The following AK9 variants were observed in gnomAD, a reference collection of about 807,000 sequenced individuals.
AK9 encodes the protein adenylate kinase domain containing 1.
In AK9, 191 loss-of-function variants were observed where a neutral mutation model predicts 239.6. The observed-to-expected ratio is 0.80, with a 90% CI of 0.71 to 0.90. The LOEUF (loss-of-function observed/expected upper bound fraction) is 0.90, where lower values mean the gene tolerates loss of function less well. Among genes scored for constraint, AK9 ranks in the 40% least tolerant of loss-of-function variants. AK9 has a pLI of 0.00. For synonymous variants in AK9, 689 were observed against 721.0 expected (o/e 0.96, Z 0.71); for missense variants, 1,995 against 2,214.7 (o/e 0.90, Z 1.99).
At chr6:109,566,614 A>T (rs1457638890) in intron 21 of AK9, among the ~76,000 whole-genome samples, 1 of 152,236 alleles carries the variant, frequency 6.6e-6, no homozygotes, top group African/African-American at 2.4e-5. Flanking sequence ...ATGCAATAGT[A>T]GAGTTAACAT....
At chr6:109,599,460 C>T (rs926721284) in intron 17 of AK9, among the ~76,000 whole-genome samples, 1 of 152,188 alleles carries the variant, frequency 6.6e-6, no homozygotes, top group African/African-American at 2.4e-5. Context: ...CAGCACCATG[C>T]TGTTTTGGTT....
intron 27 of AK9, among the ~76,000 whole-genome samples, chr6:109,536,315 T>A (rs1244054878): frequency 6.6e-6 from 1 of 152,120 alleles, no homozygotes; most frequent in East Asian, 1.9e-4. Context: ...CTTGAAGAGG[T>A]CCTTCACATC....
At chr6:109,518,164 G>C (rs1025054465) in intron 29 of AK9, among the ~76,000 whole-genome samples, 1 of 152,032 alleles carries the variant, frequency 6.6e-6, no homozygotes, top group Non-Finnish European at 1.5e-5. Context: ...GATGGGATTC[G>C]GGTGTGTGAG....
intron 12 of AK9, among the ~76,000 whole-genome samples, chr6:109,631,421 G>C (rs1028731629): frequency 6.6e-6 from 1 of 152,170 alleles, no homozygotes; most frequent in East Asian, 1.9e-4. Flanking sequence ...TCAGTAAACA[G>C]ATGAAAGAGG....
chr6:109,678,687 C>G (rs1425655562), intron 1 of AK9, among the ~76,000 whole-genome samples: 1 of 104,528 alleles, frequency 9.6e-6, no homozygotes, highest in Admixed American at 9.5e-5. Context: ...ATAGGAACAG[C>G]TCTGGTCTGC....
intron 8 of AK9, among the ~76,000 whole-genome samples, chr6:109,653,128 T>C (rs1406126925): frequency 1.3e-5 from 2 of 152,108 alleles, no homozygotes; most frequent in African/African-American, 4.8e-5. Flanking sequence ...GGTTTCACCA[T>C]GGTGGCCAGG....
intron 9 of AK9, among the ~76,000 whole-genome samples, chr6:109,643,056 G>A (rs183537256): frequency 9.8e-4 from 150 of 152,296 alleles, no homozygotes; most frequent in Middle Eastern, 6.8e-3. Flanking sequence ...GCAGGTTAGC[G>A]AATTAGAGTG....
In AK9 at chr6:109,652,953, G is replaced by A. The variant is rs537739214; in HGVS notation, c.759+3803C>T. Among the ~76,000 whole-genome samples, 24 of 151,564 alleles carry A rather than the reference G, an allele frequency of 1.6e-4. 2 individuals are homozygous for A. The South Asian group carries it at 4.1e-3, about 26-fold the overall frequency. On this transcript the variant is annotated intron_variant, in intron 8 of 40. Coordinates refer to ENST00000424296, the MANE Select transcript of AK9 (RefSeq NM_001145128.3). ...GGTGTTTTTTTTTTGTTTTTGAGAC[G>A]GAGTTTCACTGTCACCCAGGCTGGA...
intron 2 of AK9, 94 bp downstream of exon 2, chr6:109,675,535 G>A: frequency 1.3e-6 from 1 of 780,392 alleles, no homozygotes; most frequent in Non-Finnish European, 1.9e-6. Context: ...CAAAAAATGA[G>A]CACAATATGT....
At chr6:109,663,077 GT>G (rs1800650378) in intron 5 of AK9, among the ~76,000 whole-genome samples, 1 of 151,812 alleles carries the variant, frequency 6.6e-6, no homozygotes, top group Non-Finnish European at 1.5e-5. Context: ...AGTAGAACAT[GT>G]GTGTATAATG....
At chr6:109,690,829 C>T (rs931177584) in intron 1 of AK9, among the ~76,000 whole-genome samples, 6 of 152,246 alleles carry the variant, frequency 3.9e-5, no homozygotes, top group Admixed American at 6.5e-5. Context: ...CACGCACAAA[C>T]GTGTGGCAAA....
At chr6:109,653,168 C>A (rs1799211019) in intron 8 of AK9, among the ~76,000 whole-genome samples, 2 of 152,270 alleles carry the variant, frequency 1.3e-5, no homozygotes, top group South Asian at 4.1e-4. Flanking sequence ...TTCAGGTGAT[C>A]CACCCGTCTC....
chr6:109,659,534 T>C (rs1422734345), intron 6 of AK9, 121 bp from the exon 7 acceptor site: 2 of 1,254,238 alleles, frequency 1.6e-6, no homozygotes, highest in African/African-American at 1.6e-5. Context: ...CCTGAGCAAA[T>C]GCAATATTGT....
chr6:109,649,100 TAA>T (rs1272476831), intron 8 of AK9, among the ~76,000 whole-genome samples: 1 of 152,126 alleles, frequency 6.6e-6, no homozygotes, highest in Non-Finnish European at 1.5e-5. Context: ...CTCAAAATAA[TAA>T]GAGTTATCTA....
chr6:109,564,356 T>C, intron 22 of AK9, 76 bp from the exon 23 acceptor site: 1 of 1,169,366 alleles, frequency 8.6e-7, no homozygotes, highest in East Asian at 2.6e-5. Context: ...CAAAATAGCT[T>C]ATACTTTGCA....
intron 24 of AK9, among the ~76,000 whole-genome samples, chr6:109,558,274 T>C (rs138291703): frequency 3.3e-5 from 5 of 152,318 alleles, no homozygotes; most frequent in African/African-American, 1.2e-4. Context: ...TCTTTATGGA[T>C]TCTGCTTTTG....
chr6:109,657,549 CT>C (rs374142932), intron 7 of AK9, among the ~76,000 whole-genome samples: 154 of 145,092 alleles, frequency 1.1e-3, no homozygotes, highest in African/African-American at 3.1e-3. Context: ...AAGTTTCTTT[CT>C]TTTTTTTTTT....
At chr6:109,675,777 A>T in intron 1 of AK9, 21 bp from the exon 2 acceptor site, 1 of 1,408,410 alleles carries the variant, frequency 7.1e-7, no homozygotes, top group Non-Finnish European at 9.8e-7. Context: ...AAAGGGTAAG[A>T]TTGTTAACTT....
intron 5 of AK9, among the ~76,000 whole-genome samples, chr6:109,670,892 GTAGA>G (rs1229280324): frequency 2.0e-5 from 3 of 151,914 alleles, no homozygotes; most frequent in East Asian, 1.9e-4. Flanking sequence ...GGATAGATAG[GTAGA>G]TAGTTTACAG....
Sources: allele counts gnomAD v4.1 joint callset (sites outside exome capture counted in the v4.1 genomes callset), GRCh38; gene constraint gnomAD v4.1.1; transcripts MANE v1.5; gene names NCBI Gene and HGNC (gene_info 2026-07-23, HGNC 2026-07-21).